ATF7IP2: variants seen among roughly 807,000 people sequenced by gnomAD.
The protein encoded by ATF7IP2 is activating transcription factor 7-interacting protein 2.
In ATF7IP2, 42 loss-of-function variants were observed where a neutral mutation model predicts 64.2. The observed-to-expected ratio is 0.65, with a 90% CI of 0.51 to 0.85. The LOEUF (loss-of-function observed/expected upper bound fraction) is 0.85. Ranked by LOEUF, ATF7IP2 falls within the 40% of genes least tolerant of loss-of-function variation. The pLI is 0.00. For synonymous variants in ATF7IP2, 308 were observed against 272.8 expected (o/e 1.13, Z -1.27); for missense variants, 933 against 784.2 (o/e 1.19, Z -2.27).
At chr16:10,451,667 C>T (rs2048989269) in intron 8 of ATF7IP2, among the ~76,000 whole-genome samples, 1 of 151,830 alleles carries the variant, frequency 6.6e-6, no homozygotes, top group South Asian at 2.1e-4. Flanking sequence ...TTTTCAGCTC[C>T]ATCAGGTCAT....
intron 6 of ATF7IP2, among the ~76,000 whole-genome samples, chr16:10,436,359 C>G (rs2048418931): frequency 6.6e-6 from 1 of 151,014 alleles, no homozygotes; most frequent in Admixed American, 6.6e-5. Context: ...GAGACTCTGT[C>G]CCAAAAAATA....
chr16:10,417,790 G>A (rs1319687128), intron 2 of ATF7IP2, among the ~76,000 whole-genome samples: 1 of 152,166 alleles, frequency 6.6e-6, no homozygotes, highest in Admixed American at 6.6e-5. Context: ...ACAAATGACA[G>A]TAATCAAGAT....
intron 3 of ATF7IP2, among the ~76,000 whole-genome samples, chr16:10,424,731 G>A (rs911611041): frequency 3.3e-5 from 5 of 152,176 alleles, no homozygotes; most frequent in African/African-American, 1.2e-4. Flanking sequence ...AGAAGTACAT[G>A]AAAAGATTCT....
intron 1 of ATF7IP2, among the ~76,000 whole-genome samples, chr16:10,399,005 C>A (rs1348126830): frequency 6.6e-6 from 1 of 152,060 alleles, no homozygotes; most frequent in Non-Finnish European, 1.5e-5. Flanking sequence ...CCCAGCTATT[C>A]AGGAGGCTGA....
In ATF7IP2 at chr16:10,420,496, C is replaced by A. The variant is rs554045680; in HGVS notation, c.-160+873C>A. On this transcript the variant is annotated intron_variant, in intron 3 of 13. Transcript: ENST00000562102. ...TAGCTTCTTTCCAGGTAATGCTATA[C>A]CTGCGTTTGAGACCAGAGGCATTAA... Among the ~76,000 whole-genome samples the A allele has an allele frequency of 3.9e-5, 6 of 152,256 alleles. No homozygotes were observed. The South Asian group carries it at 1.2e-3, about 32-fold the overall frequency.
At chr16:10,425,192 G>T (rs1445576580) in intron 3 of ATF7IP2, among the ~76,000 whole-genome samples, 1 of 150,574 alleles carries the variant, frequency 6.6e-6, no homozygotes, top group East Asian at 1.9e-4. Flanking sequence ...CTGAGTAGCT[G>T]GGTTTACAGG....
At chr16:10,443,940 C>T (rs551026867) in intron 8 of ATF7IP2, among the ~76,000 whole-genome samples, 1 of 152,092 alleles carries the variant, frequency 6.6e-6, no homozygotes, top group African/African-American at 2.4e-5. Context: ...CGTGAAAGTC[C>T]AGCCTTGGTA....
At chr16:10,389,387 C>T (rs1023436836) in intron 1 of ATF7IP2, among the ~76,000 whole-genome samples, 1 of 152,182 alleles carries the variant, frequency 6.6e-6, no homozygotes, top group Non-Finnish European at 1.5e-5. Flanking sequence ...GTGCTTTTCA[C>T]ATCCTCCCCT....
At position 10,458,454 on chromosome 16, in the gene ATF7IP2, T is replaced by C. The variant is rs1048509693; in HGVS notation, c.1352+925T>C. On this transcript the variant is annotated intron_variant, in intron 9 of 13. Coordinates refer to ENST00000562102, the MANE Select transcript of ATF7IP2 (RefSeq NM_001393719.1). ...TAGAAAAATATATCCAATTTAGCCA[T>C]GGTTTGTGTCTTTTATATGAACAAA... 3.3e-5 allele frequency among the ~76,000 whole-genome samples: 5 copies of C among 152,248 alleles called. No individual in the cohort carries two copies. The South Asian group carries it at 1.0e-3, about 31-fold the overall frequency.
At chr16:10,387,258 A>G (rs574061303) in intron 1 of ATF7IP2, 1 of 152,252 alleles carries the variant, frequency 6.6e-6, no homozygotes, top group Non-Finnish European at 1.5e-5. Context: ...ATCTGAATGA[A>G]GGACTAATAA....
Position 10,440,472 on chromosome 16 carries a change from AACAC to A in ATF7IP2, c.1194+14_1194+17del, listed in dbSNP as rs2048577986. 2 of 1,370,560 alleles carry A rather than the reference AACAC, an allele frequency of 1.5e-6. No homozygotes were observed. Among genetic ancestry groups the A allele is most frequent in the Non-Finnish European group, 2.0e-6 (2 of 997,136 alleles). The allele number at this position is 1,370,560 out of a possible 1,614,324, so 84.9% of individuals were successfully genotyped here. A position where few individuals can be genotyped will look rare whatever the true frequency, so the allele number is the denominator to read the frequency against. ...TAATGGAGCCTCTAAGGTTTGTATA[AACAC>A]ACAGGAATTGTAATCATCTATTTGA... is the stretch of plus-strand genomic sequence containing the variant. On this transcript the variant is annotated intron_variant, in intron 8 of 13. Coordinates refer to ENST00000562102, the MANE Select transcript of ATF7IP2 (RefSeq NM_001393719.1).
In ATF7IP2 at chr16:10,438,131, A is replaced by G; in HGVS notation, c.991A>G (p.Ser331Gly). 6.3e-7 allele frequency: 1 copy of G among 1,591,482 alleles called. No homozygotes were observed. Among genetic ancestry groups the G allele is most frequent in the Non-Finnish European group, 8.5e-7 (1 of 1,170,590 alleles). The change falls in exon 7 of 14, where the codon AGC (serine) becomes GGC (glycine). Residue 331 changes from serine to glycine, a missense_variant. Transcript: ENST00000562102. Reference sequence around the variant, plus strand: ...ACATTTGATTCAGCAGGAGATCTATAGCATAAATTATGAACTATTTGATAA... The same window carrying G: ...ACATTTGATTCAGCAGGAGATCTATGGCATAAATTATGAACTATTTGATAA... ...VRHLIQQEIY[S>G]INYELFDKKL...
intron 9 of ATF7IP2, among the ~76,000 whole-genome samples, chr16:10,469,668 G>A (rs1056126071): frequency 5.9e-5 from 9 of 152,016 alleles, no homozygotes; most frequent in Admixed American, 4.6e-4. Flanking sequence ...CCAGCTACTC[G>A]GGAGGCTGAG....
intron 1 of ATF7IP2, chr16:10,386,996 G>C (rs1231047010): frequency 6.6e-6 from 1 of 152,146 alleles, no homozygotes; most frequent in Non-Finnish European, 1.5e-5. Context: ...CTGTTCTGAA[G>C]ACTTGCATAT....
At chr16:10,455,982 C>CTTTTATTTTTA (rs2049151821) in intron 8 of ATF7IP2, among the ~76,000 whole-genome samples, 2 of 151,188 alleles carry the variant, frequency 1.3e-5, no homozygotes, top group Admixed American at 6.6e-5. Context: ...GATTTTATTT[C>CTTTTATTTTTA]TTTTTTTATT....
chr16:10,402,646 G>A (rs765432412), intron 1 of ATF7IP2, among the ~76,000 whole-genome samples: 2 of 151,974 alleles, frequency 1.3e-5, no homozygotes, highest in Non-Finnish European at 2.9e-5. Context: ...ATACTTTTTT[G>A]TAGAAACAGG....
At chr16:10,467,374 G>C (rs980605916) in intron 9 of ATF7IP2, among the ~76,000 whole-genome samples, 11 of 152,142 alleles carry the variant, frequency 7.2e-5, no homozygotes, top group South Asian at 2.1e-4. Flanking sequence ...ATTAAGTGAA[G>C]GATTTTGAAA....
chr16:10,422,511 G>A (rs1004002036), intron 3 of ATF7IP2, among the ~76,000 whole-genome samples: 2 of 152,130 alleles, frequency 1.3e-5, no homozygotes, highest in African/African-American at 2.4e-5. Context: ...ATAGTCCCAG[G>A]TTGTCCCATC....
chr16:10,439,688 A>G (rs1174929414), intron 7 of ATF7IP2, among the ~76,000 whole-genome samples: 6 of 149,320 alleles, frequency 4.0e-5, no homozygotes, highest in African/African-American at 1.5e-4. Context: ...GCCTGCCACT[A>G]CACCCAGCTA....
Sources: allele counts gnomAD v4.1 joint callset (sites outside exome capture counted in the v4.1 genomes callset), GRCh38; gene constraint gnomAD v4.1.1; transcripts MANE v1.5; gene names NCBI Gene and HGNC (gene_info 2026-07-23, HGNC 2026-07-21).